Variants in ADGRA2 observed in about 807,000 individuals in gnomAD.
ADGRA2 encodes adhesion G protein-coupled receptor A2, also known as G-protein coupled receptor 124.
Under a neutral mutation model 98.7 loss-of-function variants are expected in ADGRA2, and 61 were observed. The ratio of observed to expected loss-of-function variants is 0.62; its 90% confidence interval spans 0.50 to 0.76. The LOEUF (loss-of-function observed/expected upper bound fraction) is 0.76. ADGRA2 is among the 30% of genes least tolerant of loss of function. The pLI, the probability that ADGRA2 is intolerant of heterozygous loss-of-function variation, is 0.00. For missense variants in ADGRA2, 1,712 were observed against 1,860.0 expected (o/e 0.92, Z 1.46); for synonymous variants, 858 against 831.5 (o/e 1.03, Z -0.55).
rs1805421211 is a variant in ADGRA2, at chr8:37,830,530, TCCCTC to T, written c.719-175_719-171del. 6.6e-6 allele frequency among the ~76,000 whole-genome samples: 1 copy of T among 152,170 alleles called. No individual in the cohort carries two copies. The highest frequency in any genetic ancestry group is 1.5e-5 in the Non-Finnish European group (1 of 68,012). On this transcript the variant is annotated intron_variant, in intron 6 of 18. Transcript: ENST00000412232. The surrounding 1 kb of genome is among the most constrained non-coding windows in gnomAD (Gnocchi z 4.8). The stretch of plus-strand genomic sequence containing the variant: ...CTTTTCTTTGTCCAAAAACCGCCTG[TCCCTC>T]CCCTTTACCCTTACCCCTAGAGACT...
In ADGRA2 at chr8:37,834,072, G is replaced by A; in HGVS notation, c.1552G>A (p.Ala518Thr). 1 of 1,612,882 alleles carries A rather than the reference G, an allele frequency of 6.2e-7. No individual in the cohort carries two copies. Among genetic ancestry groups the A allele is most frequent in the Non-Finnish European group, 8.5e-7 (1 of 1,179,950 alleles). ...CAAGGCCTGCAGCCGCATCGTGGGT[G>A]CCCTGGAGCGCATTGGGGGGGCCGC... ...EDKACSRIVG[A>T]LERIGGAALS... The change falls in exon 11 of 19, where the codon GCC (alanine) becomes ACC (threonine). Residue 518 changes from alanine to threonine, a missense_variant. Ala to Thr is a moderately conservative substitution (Grantham distance 58). Transcript: ENST00000412232. The surrounding 1 kb of genome is among the most constrained non-coding windows in gnomAD (Gnocchi z 4.2).
intron 15 of ADGRA2, 127 bp downstream of exon 15, chr8:37,839,210 G>A (rs1158876141): frequency 1.3e-5 from 17 of 1,356,340 alleles, no homozygotes; most frequent in Admixed American, 5.1e-5. Context: ...GAGGGACTCC[G>A]AGGCAGGTGT....
At chr8:37,815,220 G>C (rs1276692022) in intron 2 of ADGRA2, among the ~76,000 whole-genome samples, 4 of 152,226 alleles carry the variant, frequency 2.6e-5, no homozygotes, top group Non-Finnish European at 5.9e-5. Flanking sequence ...GTTCTGAGAA[G>C]CTCATTAACG....
chr8:37,833,625 CA>C (rs1805521250), intron 9 of ADGRA2, 62 bp from the exon 10 acceptor site: 3 of 1,562,470 alleles, frequency 1.9e-6, no homozygotes, highest in African/African-American at 1.4e-5. Context: ...AGAGGGTCCC[CA>C]GGGGCAGTTC....
intron 14 of ADGRA2, 130 bp from the exon 15 acceptor site, chr8:37,838,826 C>A: frequency 8.9e-7 from 1 of 1,123,424 alleles, no homozygotes; most frequent in Non-Finnish European, 1.2e-6. Context: ...CGAAGCTTTC[C>A]TCCCTGCCCA....
At chr8:37,808,414 C>T (rs10088182) in intron 1 of ADGRA2, among the ~76,000 whole-genome samples, 304 of 152,270 alleles carry the variant, frequency 2.0e-3, no homozygotes, top group African/African-American at 6.9e-3. Flanking sequence ...TTGAAGAGGG[C>T]CGAGGCTGAC....
intron 4 of ADGRA2, 61 bp from the exon 5 acceptor site, chr8:37,829,427 C>G: frequency 6.5e-7 from 1 of 1,538,184 alleles, no homozygotes; most frequent in Non-Finnish European, 9.0e-7. Context: ...CCCACCTGCT[C>G]TCCTCCGCCG....
At chr8:37,816,018 A>G (rs1007910219) in intron 2 of ADGRA2, among the ~76,000 whole-genome samples, 55 of 152,200 alleles carry the variant, frequency 3.6e-4, no homozygotes, top group African/African-American at 1.3e-3. Flanking sequence ...CATTTTGCCC[A>G]AATGGGTCAG....
intron 13 of ADGRA2, among the ~76,000 whole-genome samples, chr8:37,836,078 C>T (rs1477266981): frequency 6.6e-6 from 1 of 151,018 alleles, no homozygotes; most frequent in Non-Finnish European, 1.5e-5. Flanking sequence ...CACACACACA[C>T]ACACACACAC....
intron 13 of ADGRA2, among the ~76,000 whole-genome samples, chr8:37,837,460 G>A (rs1395292796): frequency 2.0e-5 from 3 of 151,984 alleles, no homozygotes; most frequent in African/African-American, 7.3e-5. Flanking sequence ...CCTCACCATG[G>A]AGCATGACAT....
Position 37,841,031 on chromosome 8 carries a change from AG to A in ADGRA2, c.2748-54del. The A allele has an allele frequency of 8.6e-6, 6 of 696,498 alleles. No homozygotes were observed. Among genetic ancestry groups the A allele is most frequent in the Non-Finnish European group, 1.4e-5 (6 of 441,280 alleles). 43.1% of individuals were successfully genotyped at this position (696,498 alleles called of 1,614,324 possible). A position where few individuals can be genotyped will look rare whatever the true frequency, so the allele number is the denominator to read the frequency against. On this transcript the variant is annotated intron_variant, in intron 18 of 18. Transcript: ENST00000412232. This position sits in a 1 kb window ranked among gnomAD's most constrained non-coding sequence, Gnocchi z 5.0. ...TGTCTCCCCAACCACCCCGGCCCCCAGCCCCACCCCAGCCATGCCCCCTGTC... is the reference window on the plus strand; with the variant it reads ...TGTCTCCCCAACCACCCCGGCCCCCACCCCACCCCAGCCATGCCCCCTGTC...
chr8:37,834,871 T>C lies in ADGRA2; in HGVS notation c.1609-303T>C, dbSNP rs1168121323. Among the ~76,000 whole-genome samples the C allele has an allele frequency of 1.3e-5, 2 of 151,698 alleles. No homozygotes were observed. Among genetic ancestry groups the C allele is most frequent in the Admixed American group, 1.3e-4 (2 of 15,226 alleles). ...GTGAAACCCCATCTCTAAAAAAAAGTTTTTAATTAGATGGGCATGGTAGCA... is the reference window on the plus strand; with the variant it reads ...GTGAAACCCCATCTCTAAAAAAAAGCTTTTAATTAGATGGGCATGGTAGCA... On this transcript the variant is annotated intron_variant, in intron 11 of 18. Coordinates refer to ENST00000412232, the MANE Select transcript of ADGRA2 (RefSeq NM_032777.10). This position sits in a 1 kb window ranked among gnomAD's most constrained non-coding sequence, Gnocchi z 4.2.
intron 1 of ADGRA2, among the ~76,000 whole-genome samples, chr8:37,810,076 C>G (rs1016748011): frequency 1.3e-5 from 2 of 152,044 alleles, no homozygotes; most frequent in African/African-American, 4.8e-5. Context: ...CTAAGACTTT[C>G]TACCAAAATC....
chr8:37,841,132 G>A lies in ADGRA2; in HGVS notation c.2794G>A (p.Val932Met). Residue 932 changes from valine to methionine, a missense_variant, in exon 19 of 19, where the codon GTG becomes ATG. By Grantham distance (21) the Val-to-Met change is conservative. Transcript: ENST00000412232. The surrounding 1 kb of genome is among the most constrained non-coding windows in gnomAD (Gnocchi z 5.0). Reference sequence around the variant, plus strand: ...AAGCCTTGGCGCCTTCTACATCCCTGTGGCTTTGATTCTGCTCATCACCTG... The same window carrying A: ...AAGCCTTGGCGCCTTCTACATCCCTATGGCTTTGATTCTGCTCATCACCTG... Reference protein sequence around the residue: ...RPSLGAFYIPVALILLITWIY... With the variant: ...RPSLGAFYIPMALILLITWIY... The A allele has an allele frequency of 1.2e-6, 2 of 1,610,980 alleles. No homozygotes were observed. Among genetic ancestry groups the A allele is most frequent in the Non-Finnish European group, 1.7e-6 (2 of 1,179,394 alleles).
In ADGRA2 at chr8:37,814,882, C is replaced by T; in HGVS notation, c.267-14C>T. 4.4e-6 allele frequency: 7 copies of T among 1,602,472 alleles called. No individual in the cohort carries two copies. Among genetic ancestry groups the T allele is most frequent in the Non-Finnish European group, 6.0e-6 (7 of 1,169,368 alleles). ...CAGCACCTTGTCCTGTCTGTGTCCT[C>T]TCTGTCTCTTCAGGCTCTTGAGCAA... On this transcript the variant is annotated splice_polypyrimidine_tract_variant and intron_variant, in intron 1 of 18. Transcript: ENST00000412232. The surrounding 1 kb of genome is among the most constrained non-coding windows in gnomAD (Gnocchi z 4.3).
rs77382579 is a variant in ADGRA2, at chr8:37,822,335, G to A, written c.339-6553G>A. Among the ~76,000 whole-genome samples, 961 of 151,926 alleles carry A rather than the reference G, an allele frequency of 6.3e-3. 8 individuals carry two copies. Among genetic ancestry groups the A allele is most frequent in the African/African-American group, 0.023 (936 of 41,382 alleles). On this transcript the variant is annotated intron_variant, in intron 2 of 18. Transcript: ENST00000412232. ...AAACCCACAAGCAGGGAGGTCTGTG[G>A]GGCCAGAGGGAGCTGACTCTCTGCG...
chr8:37,830,628 C>CCAACAA lies in ADGRA2; in HGVS notation c.719-80_719-79insACAACA. On this transcript the variant is annotated intron_variant, in intron 6 of 18. Coordinates refer to ENST00000412232, the MANE Select transcript of ADGRA2 (RefSeq NM_032777.10). This position sits in a 1 kb window ranked among gnomAD's most constrained non-coding sequence, Gnocchi z 4.8. ...GCCGAGGGCCCCGCCCCGCCCCACCCCATCCTGCTGGACTCTCGCTCACAC... is the reference window on the plus strand; with the variant it reads ...GCCGAGGGCCCCGCCCCGCCCCACCCCAACAACATCCTGCTGGACTCTCGCTCACAC... 2 of 711,456 alleles carry CCAACAA rather than the reference C, an allele frequency of 2.8e-6. No homozygotes were observed. Among genetic ancestry groups the CCAACAA allele is most frequent in the Non-Finnish European group, 4.9e-6 (2 of 411,722 alleles). The allele number at this position is 711,456 out of a possible 1,614,324, so 44.1% of individuals were successfully genotyped here. A position where few individuals can be genotyped will look rare whatever the true frequency, so the allele number is the denominator to read the frequency against.
intron 1 of ADGRA2, among the ~76,000 whole-genome samples, chr8:37,806,513 C>CTTT (rs1246419562): frequency 9.7e-6 from 1 of 103,174 alleles, no homozygotes; most frequent in Non-Finnish European, 1.9e-5. Context: ...TTTTCTTTTT[C>CTTT]TTTTTTCTTT....
rs758573385 is a variant in ADGRA2, at chr8:37,841,791, G to A, written c.3453G>A (p.Ala1151=). Residue 1151 remains alanine, a synonymous_variant, in exon 19 of 19, where the codon GCG becomes GCA. Transcript: ENST00000412232. This position sits in a 1 kb window ranked among gnomAD's most constrained non-coding sequence, Gnocchi z 5.0. ...AGAGTCAGGTGTGCGAGGCGGGGGC[G>A]GCGGCCGGCGGGGAAGGAGAGCCGG... The part of the protein sequence containing the change: ...LAQSQVCEAG[A]AAGGEGEPEP... 1 of 1,532,062 alleles carries A rather than the reference G, an allele frequency of 6.5e-7. No individual in the cohort carries two copies. Among genetic ancestry groups the A allele is most frequent in the Non-Finnish European group, 8.7e-7 (1 of 1,143,892 alleles). The allele number at this position is 1,532,062 out of a possible 1,614,324, so 94.9% of individuals were successfully genotyped here.
Sources: allele counts gnomAD v4.1 joint callset (sites outside exome capture counted in the v4.1 genomes callset), GRCh38; gene constraint gnomAD v4.1.1; non-coding constraint Gnocchi (gnomAD v3.1); transcripts MANE v1.5; gene names NCBI Gene and HGNC (gene_info 2026-07-23, HGNC 2026-07-21).